PRKAG2: variants seen among roughly 807,000 people sequenced by gnomAD.
The protein encoded by PRKAG2 is 5'-AMP-activated protein kinase subunit gamma-2.
PRKAG2 carries 26 observed loss-of-function variants against 69.6 expected under a neutral mutation model. That is an observed-to-expected ratio of 0.37 (90% CI 0.27 to 0.52). The LOEUF (loss-of-function observed/expected upper bound fraction) is 0.52. Ranked by LOEUF, PRKAG2 falls within the 20% of genes least tolerant of loss-of-function variation. PRKAG2 has a pLI of 0.90. For synonymous variants in PRKAG2, 293 were observed against 285.0 expected (o/e 1.03, Z -0.28); for missense variants, 557 against 740.0 (o/e 0.75, Z 2.87).
intron 5 of PRKAG2, among the ~76,000 whole-genome samples, chr7:151,618,697 G>A (rs191731469): frequency 2.0e-5 from 3 of 152,082 alleles, no homozygotes; most frequent in East Asian, 1.9e-4. Flanking sequence ...CCTAGGAGGC[G>A]GGGTTTGCAG....
intron 1 of PRKAG2, among the ~76,000 whole-genome samples, chr7:151,873,917 G>T (rs940667201): frequency 6.6e-6 from 1 of 151,796 alleles, no homozygotes; most frequent in South Asian, 2.1e-4. Context: ...GCATGTTCTT[G>T]TTTCTCTCTA....
At chr7:151,640,621 C>T (rs573337427) in intron 4 of PRKAG2, among the ~76,000 whole-genome samples, 9 of 152,070 alleles carry the variant, frequency 5.9e-5, no homozygotes, top group Non-Finnish European at 1.2e-4. Context: ...AAGCCTTTCC[C>T]GATTCTTTTC....
intron 5 of PRKAG2, among the ~76,000 whole-genome samples, chr7:151,602,131 G>A (rs76550327): frequency 0.022 from 3,330 of 152,342 alleles, 126 homozygotes; most frequent in East Asian, 0.18. Context: ...AGCCGCATGC[G>A]CAGTCTCCTC....
At chr7:151,621,494 G>A (rs1183188872) in intron 5 of PRKAG2, among the ~76,000 whole-genome samples, 1 of 152,110 alleles carries the variant, frequency 6.6e-6, no homozygotes, top group East Asian at 1.9e-4. Flanking sequence ...ACCAACCTGG[G>A]TGACAGAGTG....
chr7:151,813,521 C>G (rs1241349378), intron 1 of PRKAG2, among the ~76,000 whole-genome samples: 1 of 151,090 alleles, frequency 6.6e-6, no homozygotes, highest in Admixed American at 6.6e-5. Flanking sequence ...ATGGCTTACT[C>G]AAAGTGCCAT....
chr7:151,631,805 C>G (rs1197476949), intron 5 of PRKAG2: 2 of 491,608 alleles, frequency 4.1e-6, no homozygotes, highest in Non-Finnish European at 8.0e-6. Flanking sequence ...ACAAAAGGGC[C>G]GCCCGTCCGT....
chr7:151,753,686 G>A (rs1169443877), intron 3 of PRKAG2, among the ~76,000 whole-genome samples: 1 of 152,098 alleles, frequency 6.6e-6, no homozygotes, highest in African/African-American at 2.4e-5. Flanking sequence ...CAAAGTGCTG[G>A]AATTACAAGC....
intron 4 of PRKAG2, among the ~76,000 whole-genome samples, chr7:151,669,422 G>A (rs1350550356): frequency 1.3e-5 from 2 of 152,216 alleles, no homozygotes; most frequent in Non-Finnish European, 2.9e-5. Context: ...CTTAGTATGT[G>A]AAACACGATT....
At chr7:151,743,953 C>T (rs891759605) in intron 3 of PRKAG2, among the ~76,000 whole-genome samples, 1 of 152,232 alleles carries the variant, frequency 6.6e-6, no homozygotes, top group Non-Finnish European at 1.5e-5. Flanking sequence ...CCCCCCACAT[C>T]TGGATGCTGC....
At position 151,748,701 on chromosome 7, in the gene PRKAG2, A is replaced by G. The variant is rs561029255; in HGVS notation, c.466+32451T>C. Among the ~76,000 whole-genome samples the G allele has an allele frequency of 2.6e-5, 4 of 152,364 alleles. No homozygotes were observed. In the South Asian group the frequency reaches 8.3e-4, roughly 32 times the overall value. ...AACAAAAAAAATCTGGTAAATGGTG[A>G]TAAGTATCTATAGCAGACAAAAATC... On this transcript the variant is annotated intron_variant, in intron 3 of 15. Coordinates refer to ENST00000287878, the MANE Select transcript of PRKAG2 (RefSeq NM_016203.4).
rs144656974 is a variant in PRKAG2 at position 151,699,025 on chromosome 7, C to T, written c.467-23388G>A. On this transcript the variant is annotated intron_variant, in intron 3 of 15. Coordinates refer to ENST00000287878, the MANE Select transcript of PRKAG2 (RefSeq NM_016203.4). The surrounding 1 kb of genome is among the most constrained non-coding windows in gnomAD (Gnocchi z 4.5). ...AGTGTAAATGACTGATAGGCTCAAACGGGCCGTGGGAGGGTTTCAGGACAG... is the reference window on the plus strand; with the variant it reads ...AGTGTAAATGACTGATAGGCTCAAATGGGCCGTGGGAGGGTTTCAGGACAG... Among the ~76,000 whole-genome samples the T allele has an allele frequency of 0.016, 2,423 of 152,288 alleles. 27 individuals are homozygous for T. Among genetic ancestry groups the T allele is most frequent in the Middle Eastern group, 0.041 (12 of 294 alleles).
In PRKAG2 at chr7:151,814,617, G is replaced by C. The variant is rs1358078851; in HGVS notation, c.115-28076C>G. 9.7e-6 allele frequency: 12 copies of C among 1,231,714 alleles called. No individual in the cohort carries two copies. Among genetic ancestry groups the C allele is most frequent in the Non-Finnish European group, 1.2e-5 (12 of 988,032 alleles). The allele number at this position is 1,231,714 out of a possible 1,614,324, so 76.3% of individuals were successfully genotyped here. A position where few individuals can be genotyped will look rare whatever the true frequency, so the allele number is the denominator to read the frequency against. On this transcript the variant is annotated intron_variant, in intron 1 of 15. Coordinates refer to ENST00000287878, the MANE Select transcript of PRKAG2 (RefSeq NM_016203.4). This position sits in a 1 kb window ranked among gnomAD's most constrained non-coding sequence, Gnocchi z 4.8. ...CACAGGCAATTTCTAGGGTTCGGCT[G>C]TGCTCCGAGCTGCTGCCACTGCATG...
chr7:151,653,049 T>A (rs1019662818), intron 4 of PRKAG2, among the ~76,000 whole-genome samples: 2 of 149,016 alleles, frequency 1.3e-5, no homozygotes, highest in South Asian at 4.1e-4. Flanking sequence ...AAAGGAAATA[T>A]CCCTTTCCTC....
chr7:151,811,477 A>T (rs1254727994), intron 1 of PRKAG2, among the ~76,000 whole-genome samples: 2 of 152,262 alleles, frequency 1.3e-5, no homozygotes, highest in Non-Finnish European at 2.9e-5. Context: ...TTGTGATTCC[A>T]TTCTATTTTT....
At chr7:151,783,747 C>CA (rs2076851452) in intron 2 of PRKAG2, among the ~76,000 whole-genome samples, 2 of 151,298 alleles carry the variant, frequency 1.3e-5, no homozygotes, top group South Asian at 2.1e-4. Context: ...CCTGTCTCTA[C>CA]AAAAAATACA....
At chr7:151,618,402 G>A (rs1013031023) in intron 5 of PRKAG2, among the ~76,000 whole-genome samples, 2 of 151,822 alleles carry the variant, frequency 1.3e-5, no homozygotes, top group African/African-American at 2.4e-5. Flanking sequence ...GCAGTCAGCC[G>A]AGATCATGCC....
At chr7:151,587,969 A>G (rs1487030058) in intron 6 of PRKAG2, among the ~76,000 whole-genome samples, 4 of 152,168 alleles carry the variant, frequency 2.6e-5, no homozygotes, top group South Asian at 2.1e-4. Context: ...AATTCTCTGC[A>G]CTAGCTTTGC....
chr7:151,848,920 C>T lies in PRKAG2; in HGVS notation c.114+27587G>A, dbSNP rs7807430. Among the ~76,000 whole-genome samples, 978 of 152,334 alleles carry T rather than the reference C, an allele frequency of 6.4e-3. 16 individuals carry two copies. The highest frequency in any genetic ancestry group is 0.02 in the African/African-American group (846 of 41,556). On this transcript the variant is annotated intron_variant, in intron 1 of 15. Transcript: ENST00000287878. ...AAATTGGACTTCCGTCAGCAGACAT[C>T]ATCTCATTTGATCTTCACAGCCCGC...
chr7:151,863,489 C>T (rs1295698429), intron 1 of PRKAG2, among the ~76,000 whole-genome samples: 2 of 152,150 alleles, frequency 1.3e-5, no homozygotes, highest in Non-Finnish European at 2.9e-5. Flanking sequence ...TTCCCCTCTG[C>T]TCAGTCCAGC....
Sources: allele counts gnomAD v4.1 joint callset (sites outside exome capture counted in the v4.1 genomes callset), GRCh38; gene constraint gnomAD v4.1.1; non-coding constraint Gnocchi (gnomAD v3.1); transcripts MANE v1.5; gene names NCBI Gene and HGNC (gene_info 2026-07-23, HGNC 2026-07-21).